IL1RAPL2: variants seen among roughly 807,000 people sequenced by gnomAD.
IL1RAPL2 encodes interleukin 1 receptor accessory protein like 2, also known as X-linked interleukin-1 receptor accessory protein-like 2.
Under a neutral mutation model 44.1 loss-of-function variants are expected in IL1RAPL2, and 3 were observed. The ratio of observed to expected loss-of-function variants is 0.07; its 90% confidence interval spans 0.03 to 0.18. The LOEUF (loss-of-function observed/expected upper bound fraction) is 0.18. Ranked by LOEUF, IL1RAPL2 falls within the 10% of genes least tolerant of loss-of-function variation. The pLI, the probability that IL1RAPL2 is intolerant of heterozygous loss-of-function variation, is 1.00. For synonymous variants in IL1RAPL2, 181 were observed against 178.8 expected, an observed-to-expected ratio of 1.01 and a Z score of -0.10; for missense variants, 391 against 496.4, an observed-to-expected ratio of 0.79 and a Z score of 2.02.
chrX:105,141,695 A>C (rs2033127105), intron 2 of IL1RAPL2, among the ~76,000 whole-genome samples: 1 of 111,893 alleles, frequency 8.9e-6, no homozygotes, highest in Admixed American at 9.5e-5. Context: ...AAATTAACAT[A>C]TCACAACCAA....
intron 2 of IL1RAPL2, among the ~76,000 whole-genome samples, chrX:104,767,957 A>G (rs1288134014): frequency 8.9e-6 from 1 of 112,403 alleles, no homozygotes; most frequent in African/African-American, 3.2e-5. Context: ...GAAAACTTAA[A>G]GTATGTATTT....
chrX:105,172,563 C>T (rs2033432968), intron 2 of IL1RAPL2, among the ~76,000 whole-genome samples: 1 of 111,332 alleles, frequency 9.0e-6, no homozygotes, highest in African/African-American at 3.3e-5. Flanking sequence ...GCTGGCATTC[C>T]TTCTCAAGTG....
intron 6 of IL1RAPL2, among the ~76,000 whole-genome samples, chrX:105,679,756 C>CA (rs1340966204): frequency 9.0e-6 from 1 of 111,391 alleles, no homozygotes; most frequent in Non-Finnish European, 1.9e-5. Context: ...CCTTTTTGAT[C>CA]AAAAAAGCCT....
At chrX:104,805,307 T>C (rs1051342823) in intron 2 of IL1RAPL2, among the ~76,000 whole-genome samples, 1 of 112,190 alleles carries the variant, frequency 8.9e-6, no homozygotes, top group African/African-American at 3.2e-5. Context: ...CACGGTCTGA[T>C]TGAAAAATTA....
chrX:105,290,873 T>C (rs996699157), intron 5 of IL1RAPL2, among the ~76,000 whole-genome samples: 1 of 111,271 alleles, frequency 9.0e-6, no homozygotes. Context: ...TTCTTTTAAG[T>C]GAACCAAGTT....
At chrX:104,735,995 A>G (rs1932007324) in intron 2 of IL1RAPL2, among the ~76,000 whole-genome samples, 2 of 110,608 alleles carry the variant, frequency 1.8e-5, no homozygotes, top group Non-Finnish European at 3.8e-5. Context: ...ATCACACACC[A>G]TTTACTGTAG....
chrX:104,860,123 C>T (rs1218154644), intron 2 of IL1RAPL2, among the ~76,000 whole-genome samples: 1 of 111,694 alleles, frequency 9.0e-6, no homozygotes, highest in East Asian at 2.8e-4. Flanking sequence ...TTAATTAAGT[C>T]AGGCTGTCAG....
chrX:105,443,089 A>C (rs1369267409), intron 5 of IL1RAPL2, among the ~76,000 whole-genome samples: 1 of 111,760 alleles, frequency 8.9e-6, no homozygotes, highest in Non-Finnish European at 1.9e-5. Context: ...TCAATTAATC[A>C]ATAAAATAAA....
At chrX:105,619,116 T>C (rs1442661667) in intron 6 of IL1RAPL2, among the ~76,000 whole-genome samples, 1 of 110,449 alleles carries the variant, frequency 9.1e-6, no homozygotes. Context: ...ATTTCATGTA[T>C]ACATGAGAAA....
chrX:104,916,871 T>C (rs879241411), intron 2 of IL1RAPL2, among the ~76,000 whole-genome samples: 36 of 111,740 alleles, frequency 3.2e-4, no homozygotes, highest in Non-Finnish European at 5.3e-4. Context: ...TGGATTACAT[T>C]TATTGATTTG....
intron 2 of IL1RAPL2, among the ~76,000 whole-genome samples, chrX:104,899,365 AATTTT>A (rs2147672054): frequency 8.9e-6 from 1 of 112,039 alleles, no homozygotes; most frequent in East Asian, 2.8e-4. Flanking sequence ...TATCATTACA[AATTTT>A]ATTTTGCTTT....
rs1008853281 is a variant in IL1RAPL2, at chrX:105,600,509, T to C, written c.772+116122T>C. Among the ~76,000 whole-genome samples the C allele has an allele frequency of 5.5e-5, 6 of 108,954 alleles. No individual in the cohort carries two copies. In the South Asian group the frequency reaches 2.3e-3, roughly 42 times the overall value. 94.6% of individuals were successfully genotyped at this position (108,954 alleles called of 115,157 possible). ...ATTAATCTTAACTATCAATTAATAA[T>C]GAGTATTTAATAATTTAATTAATAA... On this transcript the variant is annotated intron_variant, in intron 6 of 10. Coordinates refer to ENST00000372582, the MANE Select transcript of IL1RAPL2 (RefSeq NM_017416.2).
chrX:104,769,341 A>G (rs1932606069), intron 2 of IL1RAPL2, among the ~76,000 whole-genome samples: 3 of 111,474 alleles, frequency 2.7e-5, no homozygotes, highest in South Asian at 3.8e-4. Context: ...CAATCCAGTA[A>G]ATATATATGT....
At chrX:105,161,730 G>A (rs1046467432) in intron 2 of IL1RAPL2, among the ~76,000 whole-genome samples, 2 of 111,955 alleles carry the variant, frequency 1.8e-5, no homozygotes, top group African/African-American at 3.2e-5. Context: ...TTTTGTAACA[G>A]TTTTTAAGAT....
intron 1 of IL1RAPL2, among the ~76,000 whole-genome samples, chrX:104,585,150 C>CAT (rs369607507): frequency 0.5 from 36,274 of 72,985 alleles, 8,806 homozygotes; most frequent in African/African-American, 0.74. Context: ...TACACACACA[C>CAT]ATATATATAC....
At chrX:104,656,684 A>G (rs774220043) in intron 1 of IL1RAPL2, among the ~76,000 whole-genome samples, 7 of 111,699 alleles carry the variant, frequency 6.3e-5, no homozygotes, top group Non-Finnish European at 1.1e-4. Context: ...TTAGATTTCT[A>G]TTAGGTCCAC....
At chrX:105,251,264 C>T (rs1482996883) in intron 4 of IL1RAPL2, among the ~76,000 whole-genome samples, 9 of 108,376 alleles carry the variant, frequency 8.3e-5, no homozygotes, top group African/African-American at 1.7e-4. Flanking sequence ...CTCATAATAC[C>T]GCAGCCTGAA....
Position 104,855,707 on chromosome X carries a change from T to TCTCTCTG in IL1RAPL2, c.82+196713_82+196719dup, listed in dbSNP as rs1922346961. Among the ~76,000 whole-genome samples, 5 of 101,236 alleles carry TCTCTCTG rather than the reference T, an allele frequency of 4.9e-5. No homozygotes were observed. In the South Asian group the frequency reaches 2.5e-3, roughly 51 times the overall value. 87.9% of individuals were successfully genotyped at this position (101,236 alleles called of 115,157 possible). The stretch of plus-strand genomic sequence containing the variant: ...TTTTTTTTTTTTTTTTTACTGTATC[T>TCTCTCTG]CTCTCTGTTGCCCAGGCTAGAGTGC... On this transcript the variant is annotated intron_variant, in intron 2 of 10. Transcript: ENST00000372582.
chrX:105,469,534 A>G (rs1254967383), intron 5 of IL1RAPL2, among the ~76,000 whole-genome samples: 1 of 110,050 alleles, frequency 9.1e-6, no homozygotes. Flanking sequence ...CAGTGAGCCT[A>G]TTGCAGAAAA....
Sources: gnomAD v4.1 joint callset for allele counts (sites outside exome capture counted in the v4.1 genomes callset) on GRCh38, gnomAD v4.1.1 for gene constraint, MANE v1.5 for transcripts, NCBI Gene and HGNC (gene_info 2026-07-23, HGNC 2026-07-21) for gene names.